ZNF521: variants seen among roughly 807,000 people sequenced by gnomAD.
The protein encoded by ZNF521 is zinc finger protein 521.
ZNF521 carries 14 observed loss-of-function variants against 105.5 expected under a neutral mutation model. That is an observed-to-expected ratio of 0.13 (90% confidence interval 0.09 to 0.21). The LOEUF is 0.21. Among genes scored for constraint, ZNF521 ranks in the 10% least tolerant of loss-of-function variants. The pLI is 1.00. For synonymous variants in ZNF521, 635 were observed against 606.0 expected, an observed-to-expected ratio of 1.05 and a Z score of -0.70; for missense variants, 1,233 against 1,629.7, an observed-to-expected ratio of 0.76 and a Z score of 4.19.
At chr18:25,088,959 T>C (rs2033685581) in intron 7 of ZNF521, among the ~76,000 whole-genome samples, 1 of 152,216 alleles carries the variant, frequency 6.6e-6, no homozygotes, top group Non-Finnish European at 1.5e-5. Context: ...TGCAAAATTT[T>C]CAACTATAAG....
intron 4 of ZNF521, among the ~76,000 whole-genome samples, chr18:25,211,905 T>C (rs2036186361): frequency 6.6e-6 from 1 of 152,224 alleles, no homozygotes; most frequent in Non-Finnish European, 1.5e-5. Context: ...AGAGATTCAA[T>C]TTTATTTTAT....
chr18:25,252,561 A>G (rs1287324676), intron 3 of ZNF521, among the ~76,000 whole-genome samples: 2 of 152,102 alleles, frequency 1.3e-5, no homozygotes, highest in Non-Finnish European at 2.9e-5. Context: ...AATCCAGATC[A>G]TAAAATACCA....
chr18:25,219,580 T>C (rs533512967), intron 4 of ZNF521, among the ~76,000 whole-genome samples: 1 of 152,160 alleles, frequency 6.6e-6, no homozygotes, highest in South Asian at 2.1e-4. Context: ...TCCCAACACT[T>C]TGGGAGGCTG....
Position 25,257,056 on chromosome 18 carries a change from G to A in ZNF521, c.221-29359C>T, listed in dbSNP as rs146380178. Among the ~76,000 whole-genome samples the A allele has an allele frequency of 3.4e-3, 515 of 152,212 alleles. 3 individuals carry two copies. Among genetic ancestry groups the A allele is most frequent in the African/African-American group, 0.012 (486 of 41,530 alleles). On this transcript the variant is annotated intron_variant, in intron 3 of 7. Coordinates refer to ENST00000361524, the MANE Select transcript of ZNF521 (RefSeq NM_015461.3). The stretch of plus-strand genomic sequence containing the variant: ...GTCTAGCAGGAAATGAGGCTAGATG[G>A]GGAGACTACCGTAGATCACTGGGGT...
intron 2 of ZNF521, among the ~76,000 whole-genome samples, chr18:25,343,860 TAC>T (rs552966812): frequency 2.5e-4 from 38 of 152,336 alleles, no homozygotes; most frequent in African/African-American, 8.2e-4. Context: ...GGGGAGTTTT[TAC>T]ACAGTCATAT....
At chr18:25,296,309 A>G (rs1911315731) in intron 3 of ZNF521, among the ~76,000 whole-genome samples, 1 of 152,198 alleles carries the variant, frequency 6.6e-6, no homozygotes, top group Non-Finnish European at 1.5e-5. Flanking sequence ...CACTCTCTGC[A>G]AATATTTTTT....
At chr18:25,174,825 T>A (rs2144571423) in intron 5 of ZNF521, among the ~76,000 whole-genome samples, 1 of 152,316 alleles carries the variant, frequency 6.6e-6, no homozygotes, top group East Asian at 1.9e-4. Flanking sequence ...AGCAGCCCCA[T>A]TACATCTTAA....
chr18:25,221,226 G>A (rs780339874), intron 4 of ZNF521, among the ~76,000 whole-genome samples: 1 of 152,130 alleles, frequency 6.6e-6, no homozygotes, highest in African/African-American at 2.4e-5. Flanking sequence ...ATCTGCCTTC[G>A]ATTTCAAATC....
chr18:25,272,354 C>T (rs917496846), intron 3 of ZNF521, among the ~76,000 whole-genome samples: 36 of 152,076 alleles, frequency 2.4e-4, no homozygotes, highest in African/African-American at 8.0e-4. Flanking sequence ...GACAGTGTAG[C>T]GATTCCTCAA....
intron 4 of ZNF521, among the ~76,000 whole-genome samples, chr18:25,196,896 C>T (rs1293185281): frequency 6.6e-6 from 1 of 151,636 alleles, no homozygotes; most frequent in Admixed American, 6.6e-5. Context: ...TGCTGAAAAA[C>T]AAAGAAACAT....
At chr18:25,250,037 C>G (rs1484299648) in intron 3 of ZNF521, among the ~76,000 whole-genome samples, 1 of 152,158 alleles carries the variant, frequency 6.6e-6, no homozygotes, top group Non-Finnish European at 1.5e-5. Context: ...CTCCCAGGTT[C>G]AGGCCATTCA....
intron 3 of ZNF521, among the ~76,000 whole-genome samples, chr18:25,321,679 T>C (rs969932503): frequency 4.6e-5 from 7 of 152,202 alleles, no homozygotes; most frequent in African/African-American, 1.7e-4. Flanking sequence ...ATGCTGTCTT[T>C]GAAAAGGTAT....
At chr18:25,343,719 T>C (rs1472198367) in intron 2 of ZNF521, among the ~76,000 whole-genome samples, 1 of 152,078 alleles carries the variant, frequency 6.6e-6, no homozygotes, top group Non-Finnish European at 1.5e-5. Flanking sequence ...CACATAAAAA[T>C]GACAGGCATA....
intron 3 of ZNF521, among the ~76,000 whole-genome samples, chr18:25,316,776 C>A (rs1912645740): frequency 6.7e-6 from 1 of 150,268 alleles, no homozygotes; most frequent in African/African-American, 2.4e-5. Context: ...TCCTGAACAA[C>A]AATAAACAGG....
Position 25,322,168 on chromosome 18 carries a change from T to G in ZNF521, c.60A>C (p.Glu20Asp). Residue 20 changes from glutamate (E) to aspartate (D), a missense_variant, in exon 3 of 8, where the codon GAA becomes GAC. Around this residue, in one of 6 missense-constraint regions of ZNF521, gnomAD observed 76 missense variants for 79.3 expected, o/e 0.96. Transcript: ENST00000361524. ...RSLKDPNCKL[E>D]DKTEDGEALD... ...GTGCCTCTCCATCTTCAGTCTTGTC[T>G]TCAAGTTTACAGTTGGGGTCTGAAA... is the stretch of plus-strand genomic sequence containing the variant. 1 of 1,614,178 alleles carries G rather than the reference T, an allele frequency of 6.2e-7. No individual in the cohort carries two copies. The highest frequency in any genetic ancestry group is 8.5e-7 in the Non-Finnish European group (1 of 1,180,018).
chr18:25,316,847 CTT>C (rs200212987), intron 3 of ZNF521, among the ~76,000 whole-genome samples: 166 of 126,980 alleles, frequency 1.3e-3, no homozygotes, highest in Middle Eastern at 4.7e-3. Context: ...GCAAGTAAGA[CTT>C]TTTTTTTTTT....
At chr18:25,078,453 G>C (rs1208178693) in intron 7 of ZNF521, among the ~76,000 whole-genome samples, 8 of 152,178 alleles carry the variant, frequency 5.3e-5, no homozygotes, top group Non-Finnish European at 1.0e-4. Flanking sequence ...GGATGAACGA[G>C]ACGATGTGAC....
chr18:25,062,886 C>A, intron 7 of ZNF521, 145 bp from the exon 8 acceptor site: 1 of 824,756 alleles, frequency 1.2e-6, no homozygotes. Context: ...CAATGAGTTT[C>A]TGCCCTCTGA....
At chr18:25,245,093 C>G (rs1907611715) in intron 3 of ZNF521, among the ~76,000 whole-genome samples, 1 of 152,166 alleles carries the variant, frequency 6.6e-6, no homozygotes, top group African/African-American at 2.4e-5. Flanking sequence ...TTTGCTATAG[C>G]AAATTTTCAT....
Sources: gnomAD v4.1 joint callset for allele counts (sites outside exome capture counted in the v4.1 genomes callset) on GRCh38, gnomAD v4.1.1 for gene constraint, gnomAD v4.1.1 regional missense constraint, MANE v1.5 for transcripts, NCBI Gene and HGNC (gene_info 2026-07-23, HGNC 2026-07-21) for gene names.